ARHGEF3: variants seen among roughly 807,000 people sequenced by gnomAD.
The protein encoded by ARHGEF3 is 59.8 kDA protein.
ARHGEF3 carries 28 observed loss-of-function variants against 63.2 expected under a neutral mutation model. That is an observed-to-expected ratio of 0.44 (90% CI 0.33 to 0.61). The LOEUF is 0.61. Among genes scored for constraint, ARHGEF3 ranks in the 20% least tolerant of loss-of-function variants. ARHGEF3 has a pLI of 0.03. For synonymous variants in ARHGEF3, 266 were observed against 254.2 expected (o/e 1.05, Z -0.44); for missense variants, 533 against 659.3 (o/e 0.81, Z 2.10).
chr3:57,007,816 A>T (rs1579075032), intron 2 of ARHGEF3, among the ~76,000 whole-genome samples: 1 of 152,350 alleles, frequency 6.6e-6, no homozygotes, highest in South Asian at 2.1e-4. Context: ...GAGCAAGCAC[A>T]TGAGAACACA....
chr3:57,042,951 C>G (rs1704290638), intron 1 of ARHGEF3, among the ~76,000 whole-genome samples: 1 of 151,494 alleles, frequency 6.6e-6, no homozygotes, highest in Non-Finnish European at 1.5e-5. Flanking sequence ...CCCTCCTCAG[C>G]CTCCCAAAGT....
intron 4 of ARHGEF3, among the ~76,000 whole-genome samples, chr3:56,836,463 T>C (rs1578639750): frequency 6.6e-6 from 1 of 152,218 alleles, no homozygotes; most frequent in Non-Finnish European, 1.5e-5. Context: ...ATGTATTTTT[T>C]CAGTGACTCA....
rs187761030 is a variant in ARHGEF3, at chr3:56,800,288, C to A, written c.96+1415G>T. Among the ~76,000 whole-genome samples, 3 of 152,264 alleles carry A rather than the reference C, an allele frequency of 2.0e-5. No individual in the cohort carries two copies. The East Asian group carries it at 5.8e-4, about 29-fold the overall frequency. On this transcript the variant is annotated intron_variant, in intron 1 of 9. Coordinates refer to ENST00000296315, the MANE Select transcript of ARHGEF3 (RefSeq NM_019555.3). ...GTGGAGTTTGAGTGGGCACCAATTG[C>A]GCTGCTCCTATGTTGATTAAATTAG...
At chr3:56,960,226 T>G (rs1700221165) in intron 2 of ARHGEF3, among the ~76,000 whole-genome samples, 1 of 152,162 alleles carries the variant, frequency 6.6e-6, no homozygotes, top group Admixed American at 6.5e-5. Flanking sequence ...ATATTTTACA[T>G]AGTTAATCCC....
chr3:56,949,078 G>A lies in ARHGEF3; in HGVS notation c.129+9745C>T, dbSNP rs1456141701. On this transcript the variant is annotated intron_variant, in intron 3 of 12. Transcript: ENST00000338458. ...AAAAGGCCTTTGACAAAATTCAACA[G>A]CCCTTCATGCTAAAAACTCTCAATA... is the stretch of plus-strand genomic sequence containing the variant. 4.5e-3 allele frequency among the ~76,000 whole-genome samples: 676 copies of A among 151,896 alleles called. 3 individuals are homozygous for A. The highest frequency in any genetic ancestry group is 6.8e-3 in the Non-Finnish European group (462 of 67,988).
chr3:56,984,634 CTT>C (rs1396081793), intron 2 of ARHGEF3, among the ~76,000 whole-genome samples: 1 of 152,112 alleles, frequency 6.6e-6, no homozygotes, highest in Non-Finnish European at 1.5e-5. Flanking sequence ...TAAAAAATCA[CTT>C]TGTGCATTTC....
At chr3:57,023,174 A>G (rs1703328924) in intron 2 of ARHGEF3, among the ~76,000 whole-genome samples, 1 of 152,122 alleles carries the variant, frequency 6.6e-6, no homozygotes, top group African/African-American at 2.4e-5. Context: ...CGCTTCATTC[A>G]CTGCAGTATC....
chr3:56,919,081 G>A (rs2042058941), intron 3 of ARHGEF3, among the ~76,000 whole-genome samples: 1 of 152,158 alleles, frequency 6.6e-6, no homozygotes, highest in South Asian at 2.1e-4. Context: ...GGTGGGCACT[G>A]GGGCACCACT....
chr3:56,872,932 TA>T (rs2040477094), intron 4 of ARHGEF3, among the ~76,000 whole-genome samples: 1 of 152,236 alleles, frequency 6.6e-6, no homozygotes, highest in Non-Finnish European at 1.5e-5. Context: ...CAACAGTAGT[TA>T]TTTTTTTGTG....
At chr3:56,775,609 CGTGACAATGATTTAA>C in intron 1 of ARHGEF3, 1 of 985,550 alleles carries the variant, frequency 1.0e-6, no homozygotes, top group Non-Finnish European at 1.2e-6. Context: ...AAAGCCATTG[CGTGACAATGATTTAA>C]GTGCTGAAGG....
At chr3:56,965,418 G>T (rs955918947) in intron 2 of ARHGEF3, among the ~76,000 whole-genome samples, 2 of 152,062 alleles carry the variant, frequency 1.3e-5, no homozygotes, top group African/African-American at 4.8e-5. Context: ...ATAAAGAAAT[G>T]AGAGAAAATG....
chr3:56,876,205 T>C (rs888761773), intron 4 of ARHGEF3, among the ~76,000 whole-genome samples: 3 of 151,274 alleles, frequency 2.0e-5, no homozygotes, highest in African/African-American at 7.3e-5. Flanking sequence ...TGGAAGGGAG[T>C]GGTTCAGGAG....
At chr3:57,047,578 G>A (rs1704508923) in intron 1 of ARHGEF3, among the ~76,000 whole-genome samples, 1 of 152,144 alleles carries the variant, frequency 6.6e-6, no homozygotes, top group Admixed American at 6.5e-5. Flanking sequence ...AGCAGTGTAA[G>A]CAAAGAGCCC....
At chr3:56,850,211 A>G (rs959913293) in intron 4 of ARHGEF3, among the ~76,000 whole-genome samples, 3 of 152,238 alleles carry the variant, frequency 2.0e-5, no homozygotes, top group Non-Finnish European at 4.4e-5. Flanking sequence ...TGAAATAGTT[A>G]CATACCAGAA....
chr3:56,755,798 C>A (rs944135651), intron 2 of ARHGEF3, among the ~76,000 whole-genome samples: 3 of 152,114 alleles, frequency 2.0e-5, no homozygotes, highest in African/African-American at 7.2e-5. Context: ...TCCCTAGTTA[C>A]ACAGAAGCAT....
At chr3:57,018,292 A>C (rs1046733871) in intron 2 of ARHGEF3, among the ~76,000 whole-genome samples, 38 of 152,046 alleles carry the variant, frequency 2.5e-4, no homozygotes, top group Middle Eastern at 3.4e-3. Context: ...AAAAAAAAAA[A>C]AAAAAACTTT....
chr3:56,791,435 C>G (rs973451590), intron 1 of ARHGEF3, among the ~76,000 whole-genome samples: 1 of 152,038 alleles, frequency 6.6e-6, no homozygotes, highest in African/African-American at 2.4e-5. Flanking sequence ...AGAACAAGAC[C>G]CTATTTCTAA....
chr3:56,868,969 A>G (rs1040858358), intron 4 of ARHGEF3, among the ~76,000 whole-genome samples: 2 of 152,204 alleles, frequency 1.3e-5, no homozygotes, highest in Admixed American at 6.5e-5. Context: ...TGAATGCACT[A>G]AAGAATGAAC....
chr3:56,834,523 G>A (rs1329296096), intron 4 of ARHGEF3, among the ~76,000 whole-genome samples: 1 of 152,142 alleles, frequency 6.6e-6, no homozygotes, highest in Admixed American at 6.5e-5. Context: ...CCAGCACTTT[G>A]GGAGGCCGAG....
Sources: allele counts gnomAD v4.1 joint callset (sites outside exome capture counted in the v4.1 genomes callset), GRCh38; gene constraint gnomAD v4.1.1; transcripts MANE v1.5; gene names NCBI Gene and HGNC (gene_info 2026-07-23, HGNC 2026-07-21).